BRINP3: variants seen among roughly 807,000 people sequenced by gnomAD.
The protein encoded by BRINP3 is BMP/retinoic acid-inducible neural-specific protein 3.
Under a neutral mutation model 71.0 loss-of-function variants are expected in BRINP3, and 19 were observed. The ratio of observed to expected loss-of-function variants is 0.27; its 90% CI spans 0.19 to 0.39. BRINP3 has a LOEUF of 0.39. BRINP3 is among the 10% of genes least tolerant of loss of function. The probability of loss-of-function intolerance (pLI) is 1.00; values close to 1 mark genes in which losing one functional copy is unlikely to be tolerated. For synonymous variants in BRINP3, 380 were observed against 337.7 expected, an observed-to-expected ratio of 1.13 and a Z score of -1.37; for missense variants, 959 against 940.8, an observed-to-expected ratio of 1.02 and a Z score of -0.25.
intron 4 of BRINP3, among the ~76,000 whole-genome samples, chr1:190,248,445 G>T (rs1659815753): frequency 6.6e-6 from 1 of 151,220 alleles, no homozygotes; most frequent in African/African-American, 2.4e-5. Context: ...ATTCCATAAT[G>T]TGCCACCTGC....
intron 4 of BRINP3, among the ~76,000 whole-genome samples, chr1:190,248,976 T>A (rs966490497): frequency 3.0e-4 from 46 of 152,038 alleles, no homozygotes; most frequent in African/African-American, 9.9e-4. Flanking sequence ...CAGCTATATT[T>A]CTTTAGAGGC....
rs66510191 is a variant in BRINP3, at chr1:190,429,593, C to CT, written c.236+25061dup. 3.1e-3 allele frequency among the ~76,000 whole-genome samples: 437 copies of CT among 138,968 alleles called. 1 individual carries two copies. Among genetic ancestry groups the CT allele is most frequent in the South Asian group, 0.017 (75 of 4,356 alleles). The allele number at this position is 138,968 out of a possible 152,430, so 91.2% of individuals were successfully genotyped here. A position where few individuals can be genotyped will look rare whatever the true frequency, so the allele number is the denominator to read the frequency against. On this transcript the variant is annotated intron_variant, in intron 2 of 7. Transcript: ENST00000367462. ...ATTTTAATTACATCTTTCTTTCTTC[C>CT]TTTTTTTTTTTTTTTGTGAAGGAGT...
At chr1:190,218,739 C>T (rs1242416147) in intron 6 of BRINP3, among the ~76,000 whole-genome samples, 1 of 151,588 alleles carries the variant, frequency 6.6e-6, no homozygotes. Flanking sequence ...CCTCCCCCCA[C>T]CCTCCTTGTC....
intron 6 of BRINP3, among the ~76,000 whole-genome samples, chr1:190,203,151 A>G (rs1327666402): frequency 6.6e-6 from 1 of 151,960 alleles, no homozygotes; most frequent in Non-Finnish European, 1.5e-5. Flanking sequence ...GTTATGTATT[A>G]CTCTCTTTCA....
chr1:190,238,453 AAACT>A (rs1658735499), intron 4 of BRINP3, among the ~76,000 whole-genome samples: 1 of 152,114 alleles, frequency 6.6e-6, no homozygotes. Context: ...TAAATTCTAC[AAACT>A]AACAATAATA....
At chr1:190,439,287 G>A (rs1674662827) in intron 2 of BRINP3, among the ~76,000 whole-genome samples, 1 of 151,800 alleles carries the variant, frequency 6.6e-6, no homozygotes, top group Non-Finnish European at 1.5e-5. Flanking sequence ...AAAATGAAGA[G>A]TATTTCAACT....
intron 7 of BRINP3, among the ~76,000 whole-genome samples, chr1:190,151,689 G>A (rs1458185579): frequency 6.6e-6 from 1 of 152,148 alleles, no homozygotes; most frequent in Non-Finnish European, 1.5e-5. Context: ...ACATAGTGGT[G>A]TAATCTCTGA....
chr1:190,389,348 C>T lies in BRINP3; in HGVS notation c.236+65307G>A, dbSNP rs575203850. Among the ~76,000 whole-genome samples, 5 of 151,712 alleles carry T rather than the reference C, an allele frequency of 3.3e-5. No homozygotes were observed. In the South Asian group the frequency reaches 1.0e-3, roughly 32 times the overall value. On this transcript the variant is annotated intron_variant, in intron 2 of 7. Coordinates refer to ENST00000367462, the MANE Select transcript of BRINP3 (RefSeq NM_199051.3). ...TTTGGATCAAATATCCAATTATATA[C>T]CATGTGGCATGTGAATCTCAAGAAA...
intron 6 of BRINP3, among the ~76,000 whole-genome samples, chr1:190,163,402 T>C (rs1282189361): frequency 6.6e-6 from 1 of 152,010 alleles, no homozygotes; most frequent in Non-Finnish European, 1.5e-5. Context: ...ATCTAAAATA[T>C]TGGTAATTAG....
chr1:190,100,396 A>G (rs1329851089), intron 7 of BRINP3, among the ~76,000 whole-genome samples: 2 of 152,278 alleles, frequency 1.3e-5, no homozygotes, highest in Non-Finnish European at 2.9e-5. Flanking sequence ...CTCATTACAT[A>G]TAATACCCAT....
intron 6 of BRINP3, among the ~76,000 whole-genome samples, chr1:190,185,099 A>G (rs1653394158): frequency 6.6e-6 from 1 of 152,140 alleles, no homozygotes; most frequent in South Asian, 2.1e-4. Context: ...AACATAATGA[A>G]CATGTAGGAC....
rs150773222 is a variant in BRINP3, at chr1:190,311,172, C to T, written c.237-29422G>A. 7.9e-5 allele frequency among the ~76,000 whole-genome samples: 12 copies of T among 151,780 alleles called. No individual in the cohort carries two copies. The Admixed American group carries it at 7.9e-4, about 10-fold the overall frequency. On this transcript the variant is annotated intron_variant, in intron 2 of 7. Transcript: ENST00000367462. ...AGCACAAGGTCCCATGTGCTTTTAT[C>T]ATAAATGACTGCAGTTTGAAAAAGT...
chr1:190,098,061 A>G lies in BRINP3; in HGVS notation c.2258T>C (p.Leu753Ser), dbSNP rs1454434961. Residue 753 changes from leucine to serine, a missense_variant, in exon 8 of 8, where the codon TTG becomes TCG. Physicochemically the swap from Leu to Ser is moderately radical, Grantham distance 145. Coordinates refer to ENST00000367462, the MANE Select transcript of BRINP3 (RefSeq NM_199051.3). ...CGTGTCATAATCCATTGTGTTTGGC[A>G]ATTTGGCATTAAACGCCTGCAGAGC... ...QSALQAFNAK[L>S]PNTMDYDTTK... 3 of 1,613,732 alleles carry G rather than the reference A, an allele frequency of 1.9e-6. No homozygotes were observed. Among genetic ancestry groups the G allele is most frequent in the Non-Finnish European group, 2.5e-6 (3 of 1,179,864 alleles).
chr1:190,333,526 G>C (rs1667095991), intron 2 of BRINP3, among the ~76,000 whole-genome samples: 1 of 151,852 alleles, frequency 6.6e-6, no homozygotes, highest in South Asian at 2.1e-4. Context: ...ATCAAATTAT[G>C]TGTTCAAATA....
intron 4 of BRINP3, among the ~76,000 whole-genome samples, chr1:190,236,435 CAAT>C (rs1658525675): frequency 3.3e-5 from 5 of 151,942 alleles, no homozygotes; most frequent in Admixed American, 6.6e-5. Flanking sequence ...AGGCGACAAT[CAAT>C]GATGGATACA....
chr1:190,457,208 G>A (rs777337685), intron 1 of BRINP3, among the ~76,000 whole-genome samples: 2 of 152,096 alleles, frequency 1.3e-5, no homozygotes, highest in Middle Eastern at 3.2e-3. Flanking sequence ...TTGGGAGGCC[G>A]AGGAGGGCGG....
intron 6 of BRINP3, among the ~76,000 whole-genome samples, chr1:190,165,456 T>TG (rs1483286350): frequency 1.7e-4 from 18 of 107,630 alleles, no homozygotes; most frequent in African/African-American, 4.1e-4. Context: ...TTTTTTTTTT[T>TG]TTTTTGTGTG....
chr1:190,356,439 T>G (rs562241672), intron 2 of BRINP3, among the ~76,000 whole-genome samples: 1 of 152,000 alleles, frequency 6.6e-6, no homozygotes. Flanking sequence ...GAAAGGTAGA[T>G]GAACAGCAGT....
intron 6 of BRINP3, among the ~76,000 whole-genome samples, chr1:190,190,514 A>G (rs1653940294): frequency 6.6e-6 from 1 of 152,114 alleles, no homozygotes; most frequent in Non-Finnish European, 1.5e-5. Flanking sequence ...GCAGGGTACA[A>G]TCACTTGACA....
Sources: gnomAD v4.1 joint callset for allele counts (sites outside exome capture counted in the v4.1 genomes callset) on GRCh38, gnomAD v4.1.1 for gene constraint, MANE v1.5 for transcripts, NCBI Gene and HGNC (gene_info 2026-07-23, HGNC 2026-07-21) for gene names.